LPP: variants seen among roughly 807,000 people sequenced by gnomAD.
The protein encoded by LPP is lipoma-preferred partner.
LPP carries 38 observed loss-of-function variants against 60.4 expected under a neutral mutation model. The observed-to-expected ratio is 0.63, with a 90% confidence interval of 0.49 to 0.83. LPP has a LOEUF of 0.83. LPP is among the 40% of genes least tolerant of loss of function. The probability of loss-of-function intolerance (pLI) is 0.00; values close to 1 mark genes in which losing one functional copy is unlikely to be tolerated. For synonymous variants in LPP, 328 were observed against 290.8 expected (o/e 1.13, Z -1.30); for missense variants, 902 against 783.6 (o/e 1.15, Z -1.80).
intron 10 of LPP, among the ~76,000 whole-genome samples, chr3:188,868,352 T>TA: frequency 6.6e-6 from 1 of 152,258 alleles, no homozygotes; most frequent in Non-Finnish European, 1.5e-5. Context: ...CTTTCATGTC[T>TA]AGGGGTAGGG....
intron 8 of LPP, among the ~76,000 whole-genome samples, chr3:188,758,445 G>A (rs1034080004): frequency 2.6e-5 from 4 of 152,108 alleles, no homozygotes; most frequent in African/African-American, 4.8e-5. Flanking sequence ...GAAGACATGA[G>A]CCACTGCACC....
intron 8 of LPP, among the ~76,000 whole-genome samples, chr3:188,734,985 A>G (rs1404921971): frequency 6.6e-6 from 1 of 152,222 alleles, no homozygotes; most frequent in African/African-American, 2.4e-5. Context: ...CTTGAAAATT[A>G]TGTGCAGATG....
intron 2 of LPP, among the ~76,000 whole-genome samples, chr3:188,259,880 G>A (rs1732971131): frequency 6.6e-6 from 1 of 151,828 alleles, no homozygotes; most frequent in Admixed American, 6.6e-5. Flanking sequence ...AGGAGAGCCT[G>A]GCTTATTTAT....
rs145880446 is a variant in LPP at position 188,397,922 on chromosome 3, C to T, written c.-9-8190C>T. 2.6e-5 allele frequency among the ~76,000 whole-genome samples: 4 copies of T among 152,292 alleles called. No individual in the cohort carries two copies. The East Asian group carries it at 7.7e-4, about 29-fold the overall frequency. The stretch of plus-strand genomic sequence containing the variant: ...AGCCACTGGGCCCGGCCGTGTCTCA[C>T]TTCTTTATCTGAGACAATGTTTACT... On this transcript the variant is annotated intron_variant, in intron 3 of 11. Transcript: ENST00000617246.
intron 1 of LPP, among the ~76,000 whole-genome samples, chr3:188,175,539 T>C (rs1481345245): frequency 6.6e-6 from 1 of 152,188 alleles, no homozygotes; most frequent in East Asian, 1.9e-4. Flanking sequence ...TAGTACTCAT[T>C]GGGATGTGTT....
intron 1 of LPP, among the ~76,000 whole-genome samples, chr3:188,172,157 C>T (rs1167544131): frequency 6.6e-6 from 1 of 152,232 alleles, no homozygotes; most frequent in Non-Finnish European, 1.5e-5. Flanking sequence ...ATTAAACAAA[C>T]TACTCACCTC....
intron 1 of LPP, among the ~76,000 whole-genome samples, chr3:188,208,578 T>C (rs1284684661): frequency 6.6e-6 from 1 of 152,232 alleles, no homozygotes; most frequent in East Asian, 1.9e-4. Flanking sequence ...GGAGCCTGTG[T>C]TTCTAACAGC....
intron 2 of LPP, among the ~76,000 whole-genome samples, chr3:188,304,898 C>A (rs1317828448): frequency 6.6e-6 from 1 of 151,890 alleles, no homozygotes; most frequent in Non-Finnish European, 1.5e-5. Flanking sequence ...TCAGTTGCTT[C>A]AAAAAAGAAA....
At chr3:188,408,656 C>T (rs1459488598) in intron 4 of LPP, among the ~76,000 whole-genome samples, 1 of 152,146 alleles carries the variant, frequency 6.6e-6, no homozygotes, top group Non-Finnish European at 1.5e-5. Context: ...TGTTATTGCT[C>T]CTGCTTACAT....
At chr3:188,455,638 TA>T (rs1225556137) in intron 4 of LPP, among the ~76,000 whole-genome samples, 1 of 152,216 alleles carries the variant, frequency 6.6e-6, no homozygotes, top group Non-Finnish European at 1.5e-5. Flanking sequence ...TCTATCATAA[TA>T]TACTGATTAC....
At chr3:188,644,871 G>A (rs1237744788) in intron 7 of LPP, among the ~76,000 whole-genome samples, 1 of 152,282 alleles carries the variant, frequency 6.6e-6, no homozygotes, top group East Asian at 1.9e-4. Context: ...ACAAGAGAGG[G>A]AACAGGAAGA....
At chr3:188,283,399 G>A (rs562599589) in intron 2 of LPP, among the ~76,000 whole-genome samples, 2 of 152,306 alleles carry the variant, frequency 1.3e-5, no homozygotes, top group East Asian at 3.9e-4. Context: ...ATGAAATTCT[G>A]GCTGCGTTTT....
At chr3:188,793,906 C>G (rs1303969943) in intron 9 of LPP, among the ~76,000 whole-genome samples, 1 of 152,036 alleles carries the variant, frequency 6.6e-6, no homozygotes, top group African/African-American at 2.4e-5. Context: ...GGACACAAGT[C>G]CTTGCCTTAG....
At chr3:188,563,474 G>GTGTGTGTGTGTT (rs376496962) in intron 6 of LPP, among the ~76,000 whole-genome samples, 56,323 of 148,862 alleles carry the variant, frequency 0.38, 12,249 homozygotes, top group East Asian at 0.87. Context: ...GTGTGTGTGT[G>GTGTGTGTGTGTT]TGTGTGTGTG....
At chr3:188,560,722 G>T (rs1407150100) in intron 6 of LPP, among the ~76,000 whole-genome samples, 10 of 152,028 alleles carry the variant, frequency 6.6e-5, no homozygotes, top group Non-Finnish European at 1.2e-4. Context: ...ATGTGTTCTT[G>T]CCATTGCCCC....
chr3:188,567,046 T>C (rs1246972826), intron 6 of LPP, among the ~76,000 whole-genome samples: 1 of 151,976 alleles, frequency 6.6e-6, no homozygotes, highest in African/African-American at 2.4e-5. Flanking sequence ...TCTACTTTTA[T>C]TTTCATAATA....
At chr3:188,245,486 C>G (rs1726594368) in intron 2 of LPP, among the ~76,000 whole-genome samples, 1 of 152,148 alleles carries the variant, frequency 6.6e-6, no homozygotes, top group Admixed American at 6.5e-5. Flanking sequence ...AGAGAAAATT[C>G]TCAGTAGATG....
At chr3:188,555,415 A>G (rs1174225740) in intron 6 of LPP, among the ~76,000 whole-genome samples, 1 of 152,090 alleles carries the variant, frequency 6.6e-6, no homozygotes, top group Non-Finnish European at 1.5e-5. Context: ...ACCAGAAGTG[A>G]CAACACAAAC....
At chr3:188,397,251 C>T (rs932879521) in intron 3 of LPP, among the ~76,000 whole-genome samples, 1 of 152,156 alleles carries the variant, frequency 6.6e-6, no homozygotes, top group Non-Finnish European at 1.5e-5. Flanking sequence ...GTTCTAGCTG[C>T]TCTATTACAT....
Sources: allele counts gnomAD v4.1 joint callset (sites outside exome capture counted in the v4.1 genomes callset), GRCh38; gene constraint gnomAD v4.1.1; transcripts MANE v1.5; gene names NCBI Gene and HGNC (gene_info 2026-07-23, HGNC 2026-07-21).